ZBTB20: variants seen among roughly 807,000 people sequenced by gnomAD.
The protein encoded by ZBTB20 is zinc finger and BTB domain-containing protein 20.
In ZBTB20, 9 loss-of-function variants were observed where a neutral mutation model predicts 56.9. The observed-to-expected ratio is 0.16, with a 90% confidence interval of 0.10 to 0.28. ZBTB20 has a LOEUF of 0.28. Ranked by LOEUF, ZBTB20 falls within the 10% of genes least tolerant of loss-of-function variation. ZBTB20 has a pLI of 1.00. For missense variants in ZBTB20, 655 were observed against 1,003.0 expected (o/e 0.65, Z 4.69); for synonymous variants, 417 against 420.7 (o/e 0.99, Z 0.11).
At chr3:114,498,543 G>A (rs2043557030) in intron 7 of ZBTB20, among the ~76,000 whole-genome samples, 1 of 152,124 alleles carries the variant, frequency 6.6e-6, no homozygotes, top group Admixed American at 6.5e-5. Context: ...GAGGACAGTA[G>A]GACTGTCATA....
At chr3:114,745,873 G>C (rs909967403) in intron 5 of ZBTB20, among the ~76,000 whole-genome samples, 1 of 152,112 alleles carries the variant, frequency 6.6e-6, no homozygotes, top group Non-Finnish European at 1.5e-5. Flanking sequence ...CCTGTATTAA[G>C]GGAGACTCCA....
intron 3 of ZBTB20, among the ~76,000 whole-genome samples, chr3:114,936,801 G>A (rs2076549523): frequency 6.6e-6 from 1 of 152,158 alleles, no homozygotes; most frequent in African/African-American, 2.4e-5. Flanking sequence ...TCAAGGGCCT[G>A]AATCATGATT....
chr3:114,929,592 G>C (rs1322231270), intron 3 of ZBTB20, among the ~76,000 whole-genome samples: 1 of 152,162 alleles, frequency 6.6e-6, no homozygotes, highest in Admixed American at 6.5e-5. Context: ...ACAGATTCTG[G>C]CAGGCTAAAT....
At chr3:114,464,564 A>T (rs1576905073) in intron 7 of ZBTB20, among the ~76,000 whole-genome samples, 1 of 152,236 alleles carries the variant, frequency 6.6e-6, no homozygotes, top group South Asian at 2.1e-4. Flanking sequence ...AACTTAGATT[A>T]ATGCAAAGAA....
intron 2 of ZBTB20, among the ~76,000 whole-genome samples, chr3:114,994,874 G>A (rs1160035988): frequency 6.6e-6 from 1 of 151,872 alleles, no homozygotes. Context: ...CTGACCTGGT[G>A]TCTGACAGAT....
chr3:114,766,214 G>C (rs1338912080), intron 5 of ZBTB20, among the ~76,000 whole-genome samples: 1 of 152,004 alleles, frequency 6.6e-6, no homozygotes, highest in Non-Finnish European at 1.5e-5. Context: ...AGTAAGAGAA[G>C]GTAGGGGCAG....
At chr3:114,904,503 T>C (rs2075248103) in intron 3 of ZBTB20, 1 of 152,046 alleles carries the variant, frequency 6.6e-6, no homozygotes, top group Admixed American at 6.6e-5. Flanking sequence ...ATTTAATATG[T>C]ATTTAGTCCT....
chr3:115,089,382 A>G (rs901627386), intron 1 of ZBTB20, among the ~76,000 whole-genome samples: 1 of 151,852 alleles, frequency 6.6e-6, no homozygotes, highest in African/African-American at 2.4e-5. Flanking sequence ...TTCCTTAACA[A>G]TTCATTAACT....
At chr3:114,847,513 CAT>C (rs1352681755) in intron 4 of ZBTB20, among the ~76,000 whole-genome samples, 3 of 152,070 alleles carry the variant, frequency 2.0e-5, no homozygotes, top group Non-Finnish European at 2.9e-5. Flanking sequence ...ATCTGTGAAA[CAT>C]ATGAAATTCC....
At chr3:114,606,640 T>G (rs2057176545) in intron 6 of ZBTB20, among the ~76,000 whole-genome samples, 1 of 152,092 alleles carries the variant, frequency 6.6e-6, no homozygotes, top group Non-Finnish European at 1.5e-5. Flanking sequence ...CAAGGGAGAT[T>G]AGGAAACATA....
chr3:114,350,587 C>T lies in ZBTB20; in HGVS notation c.1491G>A (p.Thr497=), dbSNP rs374288251. ...LRMPLTLTSN[T]QVIGTAGNTY... ...TGTTGCCAGCTGTGCCAATGACCTG[C>T]GTGTTGCTGGTCAAGGTCAGAGGCA... is the stretch of plus-strand genomic sequence containing the variant. Residue 497 remains threonine (T), a synonymous_variant, in exon 11 of 12, where the codon ACG becomes ACA. Coordinates refer to ENST00000675478, the MANE Select transcript of ZBTB20 (RefSeq NM_001348800.3). 29 of 1,614,002 alleles carry T rather than the reference C, an allele frequency of 1.8e-5. No homozygotes were observed. Among genetic ancestry groups the T allele is most frequent in the Non-Finnish European group, 2.0e-5 (24 of 1,180,030 alleles).
At chr3:114,495,012 T>C (rs771931805) in intron 7 of ZBTB20, among the ~76,000 whole-genome samples, 12 of 152,342 alleles carry the variant, frequency 7.9e-5, no homozygotes, top group Non-Finnish European at 1.3e-4. Context: ...CTGAATCAGT[T>C]TTACATGAAA....
intron 3 of ZBTB20, among the ~76,000 whole-genome samples, chr3:114,926,203 T>G (rs2076151507): frequency 6.6e-6 from 1 of 152,220 alleles, no homozygotes; most frequent in Non-Finnish European, 1.5e-5. Context: ...AATTGTCCCA[T>G]GTTGCCACTG....
At chr3:115,069,818 C>T (rs1037273886) in intron 2 of ZBTB20, among the ~76,000 whole-genome samples, 1 of 150,452 alleles carries the variant, frequency 6.6e-6, no homozygotes, top group African/African-American at 2.4e-5. Flanking sequence ...AAGCATTGCT[C>T]TATGTACTAT....
At chr3:114,811,585 T>A (rs139306056) in intron 4 of ZBTB20, among the ~76,000 whole-genome samples, 1,756 of 152,326 alleles carry the variant, frequency 0.012, 16 homozygotes, top group South Asian at 0.041. Flanking sequence ...GTATAAAGCA[T>A]TAATTGTGAA....
chr3:114,787,521 G>C (rs1430098462), intron 5 of ZBTB20, among the ~76,000 whole-genome samples: 1 of 150,958 alleles, frequency 6.6e-6, no homozygotes, highest in African/African-American at 2.4e-5. Context: ...ACAACTCTTG[G>C]AAAGACAAAA....
intron 5 of ZBTB20, among the ~76,000 whole-genome samples, chr3:114,725,571 G>A (rs187459942): frequency 2.5e-4 from 38 of 152,246 alleles, no homozygotes; most frequent in Non-Finnish European, 4.0e-4. Context: ...TGATTACTTC[G>A]CTAAAATGAA....
intron 4 of ZBTB20, among the ~76,000 whole-genome samples, chr3:114,888,712 G>A (rs1383949895): frequency 1.3e-5 from 2 of 152,000 alleles, no homozygotes; most frequent in East Asian, 1.9e-4. Flanking sequence ...TACAGATCAC[G>A]GCTTGAGGCA....
chr3:114,647,907 A>G (rs2059933239), intron 6 of ZBTB20, among the ~76,000 whole-genome samples: 1 of 152,212 alleles, frequency 6.6e-6, no homozygotes, highest in African/African-American at 2.4e-5. Flanking sequence ...GGAGTAGAAG[A>G]AAAATGATTA....
Sources: allele counts gnomAD v4.1 joint callset (sites outside exome capture counted in the v4.1 genomes callset), GRCh38; gene constraint gnomAD v4.1.1; transcripts MANE v1.5; gene names NCBI Gene and HGNC (gene_info 2026-07-23, HGNC 2026-07-21).